Variants in ADRA1A observed in about 807,000 individuals in gnomAD.
ADRA1A encodes the protein alpha-1A adrenergic receptor.
In ADRA1A, 31 loss-of-function variants were observed where a neutral mutation model predicts 29.6. The ratio of observed to expected loss-of-function variants is 1.05; its 90% CI spans 0.79 to 1.41. The LOEUF is 1.41. Ranked by LOEUF, ADRA1A falls within the 40% of genes most tolerant of loss-of-function variation. The pLI is 0.00. For missense variants in ADRA1A, 619 were observed against 601.1 expected, an observed-to-expected ratio of 1.03 and a Z score of -0.31; for synonymous variants, 311 against 254.3, an observed-to-expected ratio of 1.22 and a Z score of -2.12.
At chr8:26,842,622 G>A (rs768462844) in intron 2 of ADRA1A, among the ~76,000 whole-genome samples, 35 of 152,020 alleles carry the variant, frequency 2.3e-4, no homozygotes, top group Non-Finnish European at 4.1e-4. Flanking sequence ...CACACCTTGC[G>A]ATCACTGCAG....
chr8:26,829,241 T>A (rs1158140449), intron 2 of ADRA1A, among the ~76,000 whole-genome samples: 3 of 151,792 alleles, frequency 2.0e-5, no homozygotes, highest in Non-Finnish European at 2.9e-5. Flanking sequence ...CAAGACCATA[T>A]AAAGAGAGAG....
intron 2 of ADRA1A, among the ~76,000 whole-genome samples, chr8:26,861,394 C>T (rs536620069): frequency 1.3e-4 from 19 of 151,250 alleles, no homozygotes; most frequent in South Asian, 4.2e-4. Context: ...CTCTGCCTCC[C>T]GGGTTCAAGC....
chr8:26,792,023 A>T (rs1807871700), intron 2 of ADRA1A, among the ~76,000 whole-genome samples: 1 of 152,164 alleles, frequency 6.6e-6, no homozygotes, highest in Admixed American at 6.6e-5. Context: ...AATTTCCCTA[A>T]GGACAAGGAG....
chr8:26,784,555 A>T (rs1460024818), intron 2 of ADRA1A, among the ~76,000 whole-genome samples: 1 of 152,228 alleles, frequency 6.6e-6, no homozygotes, highest in African/African-American at 2.4e-5. Flanking sequence ...AATGTTCATG[A>T]GAAGAAAAGA....
intron 2 of ADRA1A, among the ~76,000 whole-genome samples, chr8:26,842,188 T>C (rs934723644): frequency 2.0e-5 from 3 of 152,222 alleles, no homozygotes; most frequent in Non-Finnish European, 2.9e-5. Flanking sequence ...ATTAGCCATA[T>C]GGAGCTATGG....
intron 2 of ADRA1A, among the ~76,000 whole-genome samples, chr8:26,847,232 A>G (rs1391252617): frequency 6.6e-6 from 1 of 152,144 alleles, no homozygotes; most frequent in South Asian, 2.1e-4. Context: ...TAATAAATAA[A>G]AAAAAGAAAC....
At chr8:26,839,367 C>G (rs1811639573) in intron 2 of ADRA1A, among the ~76,000 whole-genome samples, 1 of 152,038 alleles carries the variant, frequency 6.6e-6, no homozygotes. Flanking sequence ...ACTGTGTTAG[C>G]CAGGATGGTC....
intron 2 of ADRA1A, among the ~76,000 whole-genome samples, chr8:26,845,686 T>C (rs918186160): frequency 6.6e-6 from 1 of 152,150 alleles, no homozygotes; most frequent in African/African-American, 2.4e-5. Flanking sequence ...ATAACTTAAA[T>C]GACCCTCAAT....
chr8:26,839,453 C>G (rs554675221), intron 2 of ADRA1A, among the ~76,000 whole-genome samples: 1 of 152,248 alleles, frequency 6.6e-6, no homozygotes, highest in East Asian at 1.9e-4. Context: ...CCACCATGCC[C>G]GGCCTGAAGA....
rs908433081 is a variant in ADRA1A at position 26,770,036 on chromosome 8, C to T, written c.*113G>A. 19 of 1,481,296 alleles carry T rather than the reference C, an allele frequency of 1.3e-5. No homozygotes were observed. The highest frequency in any genetic ancestry group is 1.5e-5 in the South Asian group (1 of 65,048). 91.8% of individuals were successfully genotyped at this position (1,481,296 alleles called of 1,614,324 possible). On this transcript the variant is annotated 3_prime_UTR_variant, in exon 3 of 3. Coordinates refer to ENST00000380573, the MANE Select transcript of ADRA1A (RefSeq NM_000680.4). ...GGTCTACCACCCACCCCATTCCCAG[C>T]AGGTCCCCTCTTTGATTGGTCCTGT...
rs74318471 is a variant in ADRA1A at position 26,859,323 on chromosome 8, A to G, written c.883+4764T>C. The G allele has an allele frequency of 6.1e-4, 353 of 577,080 alleles. 5 individuals are homozygous for G. In the East Asian group the frequency reaches 0.019, roughly 31 times the overall value. 35.7% of individuals were successfully genotyped at this position (577,080 alleles called of 1,614,324 possible). On this transcript the variant is annotated intron_variant, in intron 2 of 2. Coordinates refer to ENST00000380573, the MANE Select transcript of ADRA1A (RefSeq NM_000680.4). ...ATCTCGTTGACGACCCAGCAGAAGTAGTGCCATCTTCTTTAAGTCTCTGCT... is the reference window on the plus strand; with the variant it reads ...ATCTCGTTGACGACCCAGCAGAAGTGGTGCCATCTTCTTTAAGTCTCTGCT...
chr8:26,751,925 T>C (rs1804939729), downstream of ADRA1A, among the ~76,000 whole-genome samples: 1 of 152,186 alleles, frequency 6.6e-6, no homozygotes, highest in Non-Finnish European at 1.5e-5. Flanking sequence ...AGTGTTGAAG[T>C]TGGCTTGTAC....
chr8:26,844,460 C>G (rs1812053957), intron 2 of ADRA1A, among the ~76,000 whole-genome samples: 1 of 152,060 alleles, frequency 6.6e-6, no homozygotes, highest in Non-Finnish European at 1.5e-5. Context: ...ACAGAACTTA[C>G]TACAAAGCTA....
chr8:26,843,336 G>A (rs373745312), intron 2 of ADRA1A, among the ~76,000 whole-genome samples: 15 of 152,148 alleles, frequency 9.9e-5, no homozygotes, highest in African/African-American at 3.1e-4. Flanking sequence ...CATTAGACTC[G>A]CCTTGTTAAT....
At chr8:26,816,089 C>T (rs1809735784) in intron 2 of ADRA1A, among the ~76,000 whole-genome samples, 2 of 152,170 alleles carry the variant, frequency 1.3e-5, no homozygotes, top group African/African-American at 2.4e-5. Flanking sequence ...CCCGAGGAGT[C>T]GTCCCTCTTA....
At position 26,865,333 on chromosome 8, in the gene ADRA1A, A is replaced by C; in HGVS notation, c.-364T>G. 2.8e-6 allele frequency: 3 copies of C among 1,078,484 alleles called. No individual in the cohort carries two copies. Among genetic ancestry groups the C allele is most frequent in the Non-Finnish European group, 3.4e-6 (3 of 889,092 alleles). The allele number at this position is 1,078,484 out of a possible 1,614,324, so 66.8% of individuals were successfully genotyped here. ...AACATGCAATTCCAGAATTACGAGA[A>C]TCTGCTTTTCCGCGCTGTCTTATTC... On this transcript the variant is annotated 5_prime_UTR_variant, in exon 2 of 3. Transcript: ENST00000380573. The surrounding 1 kb of genome is among the most constrained non-coding windows in gnomAD (Gnocchi z 7.6).
downstream of ADRA1A, among the ~76,000 whole-genome samples, chr8:26,762,818 G>A (rs1392059102): frequency 6.6e-6 from 1 of 152,138 alleles, no homozygotes; most frequent in Non-Finnish European, 1.5e-5. This position sits in a 1 kb window ranked among gnomAD's most constrained non-coding sequence, Gnocchi z 4.0. Flanking sequence ...TCTCAACACT[G>A]TGAACACCGT....
intron 2 of ADRA1A, among the ~76,000 whole-genome samples, chr8:26,829,909 C>T (rs930695602): frequency 1.7e-5 from 2 of 119,652 alleles, no homozygotes; most frequent in African/African-American, 6.4e-5. Flanking sequence ...GAGGTCAACA[C>T]ATTTGGGAAA....
chr8:26,819,961 A>T (rs1173511692), intron 2 of ADRA1A, among the ~76,000 whole-genome samples: 1 of 152,198 alleles, frequency 6.6e-6, no homozygotes, highest in Non-Finnish European at 1.5e-5. Context: ...AGCTATACTT[A>T]CACCAGACAA....
Sources: allele counts gnomAD v4.1 joint callset (sites outside exome capture counted in the v4.1 genomes callset), GRCh38; gene constraint gnomAD v4.1.1; non-coding constraint Gnocchi (gnomAD v3.1); transcripts MANE v1.5; gene names NCBI Gene and HGNC (gene_info 2026-07-23, HGNC 2026-07-21).